Variants in KALRN observed in about 807,000 individuals in gnomAD.
KALRN encodes kalirin RhoGEF kinase.
A neutral mutation model predicts 353.7 loss-of-function variants in KALRN; 70 were observed. The ratio of observed to expected loss-of-function variants is 0.20; its 90% confidence interval spans 0.16 to 0.24. The LOEUF (loss-of-function observed/expected upper bound fraction) is 0.24. KALRN is among the 10% of genes least tolerant of loss of function. The pLI is 1.00. For missense variants in KALRN, 2,791 were observed against 3,756.7 expected, an observed-to-expected ratio of 0.74 and a Z score of 6.72; for synonymous variants, 1,391 against 1,434.8, an observed-to-expected ratio of 0.97 and a Z score of 0.69.
intron 6 of KALRN, among the ~76,000 whole-genome samples, chr3:124,313,800 G>A (rs2078527825): frequency 6.6e-6 from 1 of 152,186 alleles, no homozygotes; most frequent in Non-Finnish European, 1.5e-5. Flanking sequence ...CTGGTTCAGG[G>A]TGAAGGAAAT....
intron 1 of KALRN, among the ~76,000 whole-genome samples, chr3:124,058,947 A>G (rs1370359749): frequency 6.6e-6 from 1 of 152,118 alleles, no homozygotes; most frequent in Non-Finnish European, 1.5e-5. Context: ...GACAAATATC[A>G]CTCTGTTGAT....
At chr3:124,074,481 C>T (rs931783353) in intron 1 of KALRN, among the ~76,000 whole-genome samples, 3 of 152,152 alleles carry the variant, frequency 2.0e-5, no homozygotes, top group South Asian at 2.1e-4. Context: ...TCCAGGCATA[C>T]GTAAGTTTTG....
At chr3:124,703,802 C>T (rs2062462647) in intron 57 of KALRN, among the ~76,000 whole-genome samples, 1 of 151,842 alleles carries the variant, frequency 6.6e-6, no homozygotes. Flanking sequence ...TACAGGTGCA[C>T]ACCACCATAC....
rs1487776594 is a variant in KALRN, at chr3:124,719,205, T to A, written c.8696T>A (p.Phe2899Tyr). 7 of 1,614,186 alleles carry A rather than the reference T, an allele frequency of 4.3e-6. No individual in the cohort carries two copies. The highest frequency in any genetic ancestry group is 5.9e-6 in the Non-Finnish European group (7 of 1,180,042). ...AACGTATGCAGGGTGGATTTCAGCT[T>A]CCCCCATGAATACTTCTGTGGTGTG... is the stretch of plus-strand genomic sequence containing the variant. Reference protein sequence around the residue: ...CINVCRVDFSFPHEYFCGVSN... With the variant: ...CINVCRVDFSYPHEYFCGVSN... Residue 2899 changes from phenylalanine (F) to tyrosine (Y), a missense_variant, in exon 60 of 60, where the codon TTC becomes TAC. Physicochemically the swap from Phe to Tyr is conservative, Grantham distance 22. Around this residue, in one of 11 missense-constraint regions of KALRN, gnomAD observed 188 missense variants for 402.9 expected, o/e 0.47. Coordinates refer to ENST00000682506, the MANE Select transcript of KALRN (RefSeq NM_001388419.1). The surrounding 1 kb of genome is among the most constrained non-coding windows in gnomAD (Gnocchi z 5.3).
intron 1 of KALRN, among the ~76,000 whole-genome samples, chr3:124,173,003 A>G (rs2072088278): frequency 6.6e-6 from 1 of 152,138 alleles, no homozygotes; most frequent in Admixed American, 6.5e-5. Context: ...TAGCCAGGAA[A>G]TTAGGCTTCA....
In KALRN at chr3:124,288,817, T is replaced by A. The variant is rs151286363; in HGVS notation, c.970-9974T>A. On this transcript the variant is annotated intron_variant, in intron 5 of 59. Transcript: ENST00000682506. The stretch of plus-strand genomic sequence containing the variant: ...TGGAAGTAAAAGGCATATTCCAGAG[T>A]TATTTGAGAAAATAGAGAAAAAGTT... 4.1e-4 allele frequency among the ~76,000 whole-genome samples: 63 copies of A among 152,202 alleles called. 2 individuals carry two copies. The East Asian group carries it at 9.3e-3, about 22-fold the overall frequency.
At position 124,655,581 on chromosome 3, in the gene KALRN, G is replaced by T. The variant is rs2083921904; in HGVS notation, c.5796-20G>T. ...TTAACAATGAAGAGGAACACTCACT[G>T]TTCTTAATCTCCTGCTCAGGTTTGT... On this transcript the variant is annotated intron_variant, in intron 38 of 59. Transcript: ENST00000682506. 6.2e-7 allele frequency: 1 copy of T among 1,606,246 alleles called. No individual in the cohort carries two copies. The highest frequency in any genetic ancestry group is 8.5e-7 in the Non-Finnish European group (1 of 1,172,782).
intron 1 of KALRN, among the ~76,000 whole-genome samples, chr3:124,109,279 C>T (rs2149483811): frequency 6.6e-6 from 1 of 151,696 alleles, no homozygotes; most frequent in Non-Finnish European, 1.5e-5. Flanking sequence ...TCTTATTATT[C>T]TAGATATTTT....
intron 27 of KALRN, among the ~76,000 whole-genome samples, chr3:124,479,830 T>C (rs181907330): frequency 6.6e-6 from 1 of 150,790 alleles, no homozygotes; most frequent in East Asian, 2.0e-4. Flanking sequence ...TTCACGCCAT[T>C]CTCCCTCCTC....
intron 27 of KALRN, among the ~76,000 whole-genome samples, 174 bp from the exon 28 acceptor site, chr3:124,482,634 G>T (rs1168333692): frequency 6.6e-6 from 1 of 151,518 alleles, no homozygotes; most frequent in African/African-American, 2.4e-5. Flanking sequence ...TATGCATCTT[G>T]GTCTCTTTTG....
chr3:124,495,119 C>T (rs1261321223), intron 32 of KALRN, among the ~76,000 whole-genome samples: 3 of 152,064 alleles, frequency 2.0e-5, no homozygotes, highest in Admixed American at 1.3e-4. Flanking sequence ...CTGTGTGGTC[C>T]GGGGCCCAGG....
At chr3:124,642,114 T>C (rs764585252) in intron 37 of KALRN, among the ~76,000 whole-genome samples, 6 of 151,996 alleles carry the variant, frequency 3.9e-5, no homozygotes, top group South Asian at 2.1e-4. Context: ...AAACCCCATA[T>C]CTAGTAAAAT....
At chr3:124,141,115 C>T (rs1435438954) in intron 1 of KALRN, among the ~76,000 whole-genome samples, 1 of 152,104 alleles carries the variant, frequency 6.6e-6, no homozygotes, top group African/African-American at 2.4e-5. Context: ...CTTGAAATAC[C>T]CAGGGAACCG....
intron 1 of KALRN, among the ~76,000 whole-genome samples, chr3:124,157,620 T>G (rs918975160): frequency 1.3e-5 from 2 of 152,164 alleles, no homozygotes; most frequent in Non-Finnish European, 1.5e-5. Flanking sequence ...TTAGTACAAA[T>G]AGATCATTTG....
intron 34 of KALRN, among the ~76,000 whole-genome samples, chr3:124,605,146 C>T (rs889302393): frequency 6.6e-6 from 1 of 151,538 alleles, no homozygotes; most frequent in Non-Finnish European, 1.5e-5. Flanking sequence ...GGGTCTCACT[C>T]TGTTGCCCAG....
chr3:124,352,345 T>C (rs2082917621), intron 10 of KALRN, among the ~76,000 whole-genome samples: 1 of 152,212 alleles, frequency 6.6e-6, no homozygotes, highest in Non-Finnish European at 1.5e-5. Context: ...TAGGCGAGTA[T>C]TCAAGTGCCT....
chr3:124,539,924 G>GC (rs1554023334), intron 33 of KALRN, among the ~76,000 whole-genome samples: 1 of 133,056 alleles, frequency 7.5e-6, no homozygotes, highest in African/African-American at 3.2e-5. Context: ...ATTTTTTTTG[G>GC]GGGGGGGGAC....
rs76822987 is a variant in KALRN, at chr3:124,718,671, T to G, written c.8416-254T>G. ...TTTCCTTGATTCAATGCAGAAGCAGTGTAGTTAAGAAAACATGATTTTCAA... is the reference window on the plus strand; with the variant it reads ...TTTCCTTGATTCAATGCAGAAGCAGGGTAGTTAAGAAAACATGATTTTCAA... On this transcript the variant is annotated intron_variant, in intron 59 of 59. Coordinates refer to ENST00000682506, the MANE Select transcript of KALRN (RefSeq NM_001388419.1). 3.7e-3 allele frequency among the ~76,000 whole-genome samples: 559 copies of G among 152,286 alleles called. 6 individuals carry two copies. The highest frequency in any genetic ancestry group is 0.013 in the African/African-American group (533 of 41,556).
At chr3:124,441,631 C>G (rs2093668266) in intron 18 of KALRN, among the ~76,000 whole-genome samples, 3 of 152,072 alleles carry the variant, frequency 2.0e-5, no homozygotes, top group Non-Finnish European at 2.9e-5. Flanking sequence ...TTGAGACCAG[C>G]CTGGGCAACA....
Sources: gnomAD v4.1 joint callset for allele counts (sites outside exome capture counted in the v4.1 genomes callset) on GRCh38, gnomAD v4.1.1 for gene constraint, gnomAD v4.1.1 regional missense constraint, Gnocchi (gnomAD v3.1) non-coding constraint, MANE v1.5 for transcripts, NCBI Gene and HGNC (gene_info 2026-07-23, HGNC 2026-07-21) for gene names.